MPPED2: variants seen among roughly 807,000 people sequenced by gnomAD.
MPPED2 encodes the protein metallophosphoesterase MPPED2.
Under a neutral mutation model 33.0 loss-of-function variants are expected in MPPED2, and 5 were observed. The ratio of observed to expected loss-of-function variants is 0.15; its 90% CI spans 0.08 to 0.32. The LOEUF (loss-of-function observed/expected upper bound fraction) is 0.32, where lower values mean the gene tolerates loss of function less well. Ranked by LOEUF, MPPED2 falls within the 10% of genes least tolerant of loss-of-function variation. The probability of loss-of-function intolerance (pLI) is 1.00; values close to 1 mark genes in which losing one functional copy is unlikely to be tolerated. For missense variants in MPPED2, 275 were observed against 372.1 expected (o/e 0.74, Z 2.15); for synonymous variants, 136 against 141.9 (o/e 0.96, Z 0.29).
chr11:30,575,129 T>G (rs527888758), intron 2 of MPPED2, among the ~76,000 whole-genome samples: 5 of 152,228 alleles, frequency 3.3e-5, no homozygotes, highest in Admixed American at 6.5e-5. Flanking sequence ...TACTTTGGCA[T>G]GAAATAATCA....
At chr11:30,508,185 T>A (rs1296286640) in intron 3 of MPPED2, among the ~76,000 whole-genome samples, 2 of 152,204 alleles carry the variant, frequency 1.3e-5, no homozygotes, top group Non-Finnish European at 2.9e-5. Context: ...TTGGAGAGCA[T>A]ACTCTGTCTG....
chr11:30,537,546 AG>A (rs1278917815), intron 2 of MPPED2, among the ~76,000 whole-genome samples: 3 of 152,126 alleles, frequency 2.0e-5, no homozygotes, highest in Non-Finnish European at 4.4e-5. Flanking sequence ...AATTTCAGTG[AG>A]GGAAATAGAA....
chr11:30,402,369 T>C (rs950385557), intron 6 of MPPED2, among the ~76,000 whole-genome samples: 1 of 152,218 alleles, frequency 6.6e-6, no homozygotes, highest in African/African-American at 2.4e-5. Context: ...GAGAAAAGTC[T>C]TCTTTGAGAG....
intron 2 of MPPED2, among the ~76,000 whole-genome samples, chr11:30,572,423 G>A (rs1192612767): frequency 3.9e-5 from 6 of 152,034 alleles, no homozygotes; most frequent in African/African-American, 1.2e-4. Flanking sequence ...GAAAAAGAAC[G>A]TATTTTTAAG....
At chr11:30,542,214 A>G (rs1287125611) in intron 2 of MPPED2, among the ~76,000 whole-genome samples, 2 of 152,196 alleles carry the variant, frequency 1.3e-5, no homozygotes, top group Non-Finnish European at 2.9e-5. Flanking sequence ...TTAGATGCTT[A>G]ATAGTTTTTA....
chr11:30,475,738 A>T (rs1951164248), intron 4 of MPPED2, among the ~76,000 whole-genome samples: 1 of 152,140 alleles, frequency 6.6e-6, no homozygotes, highest in African/African-American at 2.4e-5. Flanking sequence ...CTTTATGTGG[A>T]CATACATTTT....
intron 3 of MPPED2, among the ~76,000 whole-genome samples, chr11:30,524,770 G>A (rs1435361173): frequency 6.6e-6 from 1 of 152,096 alleles, no homozygotes; most frequent in Non-Finnish European, 1.5e-5. Flanking sequence ...CTGGATTAAT[G>A]GTACTGTGAG....
intron 4 of MPPED2, among the ~76,000 whole-genome samples, chr11:30,421,264 C>G (rs1186682297): frequency 6.6e-6 from 1 of 152,042 alleles, no homozygotes; most frequent in Non-Finnish European, 1.5e-5. Flanking sequence ...AGCCATATTC[C>G]CCCAGGAAAT....
intron 4 of MPPED2, among the ~76,000 whole-genome samples, chr11:30,419,251 C>T (rs1483241313): frequency 6.6e-6 from 1 of 152,174 alleles, no homozygotes; most frequent in Admixed American, 6.5e-5. Context: ...GAAACTGAGG[C>T]ACAGAGAGGT....
Position 30,580,944 on chromosome 11 carries a change from A to G in MPPED2, c.-121-450T>C, listed in dbSNP as rs150907225. On this transcript the variant is annotated intron_variant, in intron 1 of 6. Coordinates refer to ENST00000358117, the MANE Select transcript of MPPED2 (RefSeq NM_001584.3). The stretch of plus-strand genomic sequence containing the variant: ...AAGCAGCTATATAACACAATGACAG[A>G]TAAGAATTTAAAATGTTGTGCTTAT... Among the ~76,000 whole-genome samples, 636 of 152,342 alleles carry G rather than the reference A, an allele frequency of 4.2e-3. 2 individuals carry two copies. The highest frequency in any genetic ancestry group is 0.017 in the Middle Eastern group (5 of 294).
chr11:30,569,290 G>A (rs1469600306), intron 2 of MPPED2, among the ~76,000 whole-genome samples: 1 of 152,030 alleles, frequency 6.6e-6, no homozygotes, highest in Non-Finnish European at 1.5e-5. Flanking sequence ...GTTAGAACAG[G>A]ACTCACACCA....
intron 3 of MPPED2, among the ~76,000 whole-genome samples, chr11:30,504,542 T>C (rs1952726156): frequency 1.3e-5 from 2 of 152,178 alleles, no homozygotes; most frequent in Admixed American, 6.5e-5. Context: ...CCTAGAAGAA[T>C]GCTTAGCACT....
chr11:30,581,455 C>A (rs1405149967), intron 1 of MPPED2, among the ~76,000 whole-genome samples: 3 of 152,126 alleles, frequency 2.0e-5, no homozygotes, highest in African/African-American at 7.2e-5. Context: ...CAAGTTGTTG[C>A]AATTGATCAG....
At chr11:30,405,478 C>A (rs1947975130), downstream of MPPED2, among the ~76,000 whole-genome samples, 1 of 152,170 alleles carries the variant, frequency 6.6e-6, no homozygotes, top group Admixed American at 6.5e-5. Flanking sequence ...GCATTTCTCT[C>A]TCTCACCATT....
At chr11:30,505,292 C>T (rs921680220) in intron 3 of MPPED2, among the ~76,000 whole-genome samples, 3 of 152,158 alleles carry the variant, frequency 2.0e-5, no homozygotes, top group Non-Finnish European at 2.9e-5. Flanking sequence ...AACACACACA[C>T]GTACACACTC....
chr11:30,512,379 C>T (rs531406231), intron 3 of MPPED2, among the ~76,000 whole-genome samples: 3 of 152,032 alleles, frequency 2.0e-5, no homozygotes, highest in Non-Finnish European at 2.9e-5. Flanking sequence ...GTGTCTTGGC[C>T]CAGAAACAGA....
intron 2 of MPPED2, among the ~76,000 whole-genome samples, chr11:30,548,317 G>T (rs1955534985): frequency 6.6e-6 from 1 of 152,044 alleles, no homozygotes; most frequent in Admixed American, 6.6e-5. Context: ...GGGTTCCAGG[G>T]ATTCTCCCAC....
chr11:30,517,794 C>T (rs1022028958), intron 3 of MPPED2, among the ~76,000 whole-genome samples: 4 of 152,130 alleles, frequency 2.6e-5, no homozygotes, highest in African/African-American at 9.7e-5. Context: ...GATCTTTCCT[C>T]CTTCTGTCAT....
chr11:30,455,565 T>C (rs1292029000), intron 4 of MPPED2, among the ~76,000 whole-genome samples: 1 of 152,170 alleles, frequency 6.6e-6, no homozygotes, highest in East Asian at 1.9e-4. Context: ...AAGCTAAGTA[T>C]ATATCCTTAT....
Sources: gnomAD v4.1 joint callset for allele counts (sites outside exome capture counted in the v4.1 genomes callset) on GRCh38, gnomAD v4.1.1 for gene constraint, MANE v1.5 for transcripts, NCBI Gene and HGNC (gene_info 2026-07-23, HGNC 2026-07-21) for gene names.